Variants in AGMO observed in about 807,000 individuals in gnomAD.
The protein encoded by AGMO is glyceryl-ether monooxygenase.
Under a neutral mutation model 60.2 loss-of-function variants are expected in AGMO, and 75 were observed. That is an observed-to-expected ratio of 1.25 (90% confidence interval 1.03 to 1.51). The LOEUF (loss-of-function observed/expected upper bound fraction) is 1.51, where lower values mean the gene tolerates loss of function less well. Ranked by LOEUF, AGMO falls within the 40% of genes most tolerant of loss-of-function variation. The pLI is 0.00. For missense variants in AGMO, 763 were observed against 525.5 expected, an observed-to-expected ratio of 1.45 and a Z score of -4.42; for synonymous variants, 261 against 177.1, an observed-to-expected ratio of 1.47 and a Z score of -3.76.
chr7:15,322,710 A>ATAAATATG (rs1232895442), intron 12 of AGMO, among the ~76,000 whole-genome samples: 8 of 43,466 alleles, frequency 1.8e-4, no homozygotes, highest in African/African-American at 1.1e-3. Flanking sequence ...GTATAAATAT[A>ATAAATATG]TATAAATATA....
In AGMO at chr7:15,340,928, A is replaced by G. The variant is rs1418956760; in HGVS notation, c.1263+24586T>C. Among the ~76,000 whole-genome samples, 5 of 152,084 alleles carry G rather than the reference A, an allele frequency of 3.3e-5. No individual in the cohort carries two copies. The East Asian group carries it at 9.7e-4, about 29-fold the overall frequency. On this transcript the variant is annotated intron_variant, in intron 12 of 12. Coordinates refer to ENST00000342526, the MANE Select transcript of AGMO (RefSeq NM_001004320.2). ...TAGATTCACTGACAGCTTGCACCATATGCCTGAAAAAGCCACAGGCAATGC... is the reference window on the plus strand; with the variant it reads ...TAGATTCACTGACAGCTTGCACCATGTGCCTGAAAAAGCCACAGGCAATGC...
At chr7:15,203,658 A>G (rs1248727129) in intron 12 of AGMO, among the ~76,000 whole-genome samples, 2 of 152,106 alleles carry the variant, frequency 1.3e-5, no homozygotes, top group African/African-American at 4.8e-5. Context: ...ACATGCCTTT[A>G]TTAGATTATG....
At chr7:15,510,811 A>AAT (rs72566395) in intron 3 of AGMO, among the ~76,000 whole-genome samples, 1 of 45,810 alleles carries the variant, frequency 2.2e-5, no homozygotes, top group Non-Finnish European at 4.1e-5. Flanking sequence ...GCATAAGGAA[A>AAT]CATTTTATTA....
intron 12 of AGMO, among the ~76,000 whole-genome samples, chr7:15,306,898 T>C (rs1157409561): frequency 1.3e-5 from 2 of 151,984 alleles, no homozygotes; most frequent in Non-Finnish European, 2.9e-5. Context: ...GAACTCTTTG[T>C]ATAAAATAGT....
chr7:15,322,981 A>ATATAT lies in AGMO; in HGVS notation c.1263+42532_1263+42533insATATA, dbSNP rs1554413877. On this transcript the variant is annotated intron_variant, in intron 12 of 12. Transcript: ENST00000342526. ...AACACGTGTGTGTATATATATATGT[A>ATATAT]TTTATTTTTTATTTTTTCCTGTATC... 7.4e-3 allele frequency among the ~76,000 whole-genome samples: 1,084 copies of ATATAT among 146,394 alleles called. 9 individuals carry two copies. Among genetic ancestry groups the ATATAT allele is most frequent in the African/African-American group, 0.025 (1,016 of 39,878 alleles).
At chr7:15,399,858 A>G (rs905486808) in intron 5 of AGMO, among the ~76,000 whole-genome samples, 2 of 152,198 alleles carry the variant, frequency 1.3e-5, no homozygotes, top group South Asian at 2.1e-4. Flanking sequence ...AGCTGTTCAC[A>G]TTCTTTCTGG....
intron 3 of AGMO, among the ~76,000 whole-genome samples, chr7:15,515,393 C>A (rs1783781476): frequency 6.6e-6 from 1 of 152,146 alleles, no homozygotes; most frequent in Non-Finnish European, 1.5e-5. Context: ...CCAAACGGTT[C>A]CTTTCTCCCC....
intron 3 of AGMO, among the ~76,000 whole-genome samples, chr7:15,539,770 CTTT>C (rs1294973520): frequency 6.6e-6 from 1 of 151,960 alleles, no homozygotes; most frequent in Non-Finnish European, 1.5e-5. Flanking sequence ...ATAAGCATTC[CTTT>C]TTTTTCTGCA....
At chr7:15,365,094 T>A (rs1782919024) in intron 12 of AGMO, among the ~76,000 whole-genome samples, 1 of 152,018 alleles carries the variant, frequency 6.6e-6, no homozygotes, top group Non-Finnish European at 1.5e-5. Context: ...TGTAGAATGA[T>A]TACTTTTTAC....
intron 3 of AGMO, among the ~76,000 whole-genome samples, chr7:15,517,271 G>A (rs1783840746): frequency 6.6e-6 from 1 of 151,398 alleles, no homozygotes; most frequent in Admixed American, 6.6e-5. Flanking sequence ...ATAACAAAAT[G>A]GAAAAGAAGA....
chr7:15,225,394 A>T (rs1052735566), intron 12 of AGMO, among the ~76,000 whole-genome samples: 2 of 151,888 alleles, frequency 1.3e-5, no homozygotes, highest in Non-Finnish European at 2.9e-5. Context: ...ACTATGTCAA[A>T]GATTACAAAT....
chr7:15,552,335 T>C (rs1242981932), intron 2 of AGMO, among the ~76,000 whole-genome samples: 2 of 152,134 alleles, frequency 1.3e-5, no homozygotes, highest in African/African-American at 4.8e-5. Context: ...CTAATTAAAC[T>C]AAAGAGCTTC....
At chr7:15,553,258 A>G (rs1364727877) in intron 2 of AGMO, among the ~76,000 whole-genome samples, 6 of 152,026 alleles carry the variant, frequency 3.9e-5, no homozygotes, top group African/African-American at 1.2e-4. Flanking sequence ...CCAGCATGGC[A>G]CATGTATACA....
rs761007969 is a variant in AGMO at position 15,390,662 on chromosome 7, G to A, written c.822+9C>T. 7.0e-6 allele frequency: 11 copies of A among 1,561,682 alleles called. 1 individual carries two copies. Among genetic ancestry groups the A allele is most frequent in the Middle Eastern group, 1.7e-4 (1 of 5,920 alleles). ...TAAATGAAGAAAGAATAAAAAACAA[G>A]TATGTTACCTGCACTTTGATTGGTT... On this transcript the variant is annotated intron_variant, in intron 8 of 12. Transcript: ENST00000342526.
rs534539836 is a variant in AGMO at position 15,273,095 on chromosome 7, G to C, written c.1264-71736C>G. On this transcript the variant is annotated intron_variant, in intron 12 of 12. Coordinates refer to ENST00000342526, the MANE Select transcript of AGMO (RefSeq NM_001004320.2). ...TGTAGGTTGCCTGCTCACTCTGATG[G>C]TGGTTTCTTTTGCTGTGCAGAAGCT... Among the ~76,000 whole-genome samples the C allele has an allele frequency of 1.2e-4, 18 of 152,184 alleles. No homozygotes were observed. The East Asian group carries it at 3.3e-3, about 28-fold the overall frequency.
intron 12 of AGMO, among the ~76,000 whole-genome samples, chr7:15,260,296 A>G (rs931937269): frequency 6.6e-5 from 10 of 152,100 alleles, no homozygotes; most frequent in Middle Eastern, 3.4e-3. Context: ...TCACTTACAT[A>G]AACTTAAGAG....
At chr7:15,354,336 A>G (rs1164553739) in intron 12 of AGMO, among the ~76,000 whole-genome samples, 3 of 94,126 alleles carry the variant, frequency 3.2e-5, no homozygotes, top group Admixed American at 2.0e-4. Context: ...GTACGCGTGT[A>G]TATACACGCG....
At chr7:15,394,436 G>A (rs773714199) in intron 5 of AGMO, among the ~76,000 whole-genome samples, 3 of 152,080 alleles carry the variant, frequency 2.0e-5, no homozygotes, top group African/African-American at 7.2e-5. Context: ...TTCAGCTCCA[G>A]GAATCTCCAC....
At chr7:15,187,484 T>G in the AGMO span, among the ~76,000 whole-genome samples, 4 of 152,314 alleles carry the variant, frequency 2.6e-5, no homozygotes, top group African/African-American at 9.6e-5. Context: ...CGTCCTTTCA[T>G]AAAAATCCTT....
Sources: gnomAD v4.1 joint callset for allele counts (sites outside exome capture counted in the v4.1 genomes callset) on GRCh38, gnomAD v4.1.1 for gene constraint, MANE v1.5 for transcripts, NCBI Gene and HGNC (gene_info 2026-07-23, HGNC 2026-07-21) for gene names.